BMERB1: variants seen among roughly 807,000 people sequenced by gnomAD.
The protein encoded by BMERB1 is bMERB domain-containing protein 1.
BMERB1 carries 12 observed loss-of-function variants against 23.6 expected under a neutral mutation model. The observed-to-expected ratio is 0.51, with a 90% confidence interval of 0.33 to 0.82. The LOEUF (loss-of-function observed/expected upper bound fraction) is 0.82, where lower values mean the gene tolerates loss of function less well. Among genes scored for constraint, BMERB1 ranks in the 40% least tolerant of loss-of-function variants. The pLI, the probability that BMERB1 is intolerant of heterozygous loss-of-function variation, is 0.03. For synonymous variants in BMERB1, 122 were observed against 96.6 expected (o/e 1.26, Z -1.54); for missense variants, 247 against 255.4 (o/e 0.97, Z 0.22).
intron 2 of BMERB1, among the ~76,000 whole-genome samples, chr16:15,523,622 T>C (rs1456465208): frequency 6.6e-6 from 1 of 152,200 alleles, no homozygotes; most frequent in African/African-American, 2.4e-5. Context: ...ACCAACTGTG[T>C]GGCCTGGAGC....
At position 15,556,965 on chromosome 16, in the gene BMERB1, AT is replaced by A. The variant is rs537558307; in HGVS notation, c.231-11013del. 2.0e-5 allele frequency among the ~76,000 whole-genome samples: 3 copies of A among 152,296 alleles called. No homozygotes were observed. The East Asian group carries it at 5.8e-4, about 29-fold the overall frequency. On this transcript the variant is annotated intron_variant, in intron 2 of 5. Transcript: ENST00000300006. The stretch of plus-strand genomic sequence containing the variant: ...TTTTTAAAAGGAGACAATAAAGACT[AT>A]TTTTAAAAGTCAATCCTTGCCTCTG...
At chr16:15,585,207 A>C (rs1274102057) in intron 5 of BMERB1, among the ~76,000 whole-genome samples, 2 of 152,240 alleles carry the variant, frequency 1.3e-5, no homozygotes, top group African/African-American at 4.8e-5. Context: ...CTTTCATGAA[A>C]GGCAAGGTAG....
intron 1 of BMERB1, among the ~76,000 whole-genome samples, chr16:15,437,536 T>A (rs2150919403): frequency 6.6e-6 from 1 of 152,336 alleles, no homozygotes; most frequent in African/African-American, 2.4e-5. Flanking sequence ...CCCTTGTAGC[T>A]TTTTATATCT....
At chr16:15,562,808 T>C (rs923778759) in intron 2 of BMERB1, among the ~76,000 whole-genome samples, 1 of 152,168 alleles carries the variant, frequency 6.6e-6, no homozygotes, top group African/African-American at 2.4e-5. Context: ...ACGGGAACAG[T>C]CTGTGCCCTC....
At chr16:15,472,247 T>C (rs983529953) in intron 1 of BMERB1, among the ~76,000 whole-genome samples, 1 of 152,238 alleles carries the variant, frequency 6.6e-6, no homozygotes, top group Non-Finnish European at 1.5e-5. Flanking sequence ...TTGGGTGAAG[T>C]GTTCCCAACT....
intron 2 of BMERB1, among the ~76,000 whole-genome samples, chr16:15,530,690 A>G (rs983359874): frequency 6.6e-6 from 1 of 152,100 alleles, no homozygotes; most frequent in Non-Finnish European, 1.5e-5. Flanking sequence ...GTGGAAGGTA[A>G]TTCAATCATG....
At chr16:15,510,724 C>T (rs541067247) in intron 1 of BMERB1, among the ~76,000 whole-genome samples, 47 of 151,616 alleles carry the variant, frequency 3.1e-4, no homozygotes, top group Admixed American at 2.4e-3. Context: ...TTTTTTTAGA[C>T]GTAGTCTCAC....
chr16:15,535,696 C>T (rs1326860751), intron 2 of BMERB1, among the ~76,000 whole-genome samples: 1 of 149,774 alleles, frequency 6.7e-6, no homozygotes. Context: ...CTTAGCTATA[C>T]CGAGAACTTT....
intron 5 of BMERB1, 28 bp from the exon 6 acceptor site, chr16:15,586,689 C>A: frequency 1.3e-6 from 2 of 1,554,234 alleles, no homozygotes; most frequent in East Asian, 2.3e-5. Context: ...CTTTCTCCCC[C>A]TCTCCCTGTG....
chr16:15,521,838 A>G (rs185801808), intron 2 of BMERB1, among the ~76,000 whole-genome samples: 47 of 152,072 alleles, frequency 3.1e-4, no homozygotes, highest in Non-Finnish European at 5.9e-4. Flanking sequence ...TCTTGACCCT[A>G]TGTTCCACCC....
intron 1 of BMERB1, among the ~76,000 whole-genome samples, chr16:15,437,962 A>C (rs2050902884): frequency 6.6e-6 from 1 of 151,468 alleles, no homozygotes; most frequent in Non-Finnish European, 1.5e-5. Context: ...CCTCTCAAAA[A>C]AAAAGAGTCT....
Position 15,440,026 on chromosome 16 carries a change from C to T in BMERB1, c.106+5267C>T, listed in dbSNP as rs892644680. ...TTGGGAGGCTGAGGTGGGCGGATCG[C>T]TTGAGGTCAGCAGTTCGAGGCCAGC... On this transcript the variant is annotated intron_variant, in intron 1 of 5. Coordinates refer to ENST00000300006, the MANE Select transcript of BMERB1 (RefSeq NM_033201.3). Among the ~76,000 whole-genome samples the T allele has an allele frequency of 5.9e-5, 9 of 152,006 alleles. 1 individual carries two copies. The highest frequency in any genetic ancestry group is 2.2e-4 in the African/African-American group (9 of 41,382).
intron 2 of BMERB1, among the ~76,000 whole-genome samples, chr16:15,551,814 G>A (rs559028497): frequency 3.3e-5 from 5 of 152,318 alleles, no homozygotes; most frequent in African/African-American, 7.2e-5. Flanking sequence ...CACGTCTTAC[G>A]TGGCGGCAGG....
At chr16:15,536,248 C>G (rs1460993322) in intron 2 of BMERB1, among the ~76,000 whole-genome samples, 1 of 152,102 alleles carries the variant, frequency 6.6e-6, no homozygotes, top group Non-Finnish European at 1.5e-5. Flanking sequence ...CCTCACCCTC[C>G]CCTGTGTCCC....
At chr16:15,471,513 A>T (rs1052388829) in intron 1 of BMERB1, among the ~76,000 whole-genome samples, 6 of 152,182 alleles carry the variant, frequency 3.9e-5, no homozygotes, top group Non-Finnish European at 7.3e-5. Context: ...AGTTGTTTGC[A>T]GTATTCCCTT....
intron 1 of BMERB1, among the ~76,000 whole-genome samples, chr16:15,446,496 C>T (rs1022661904): frequency 5.3e-5 from 8 of 152,324 alleles, no homozygotes; most frequent in Admixed American, 1.3e-4. Context: ...CCTTACAAAA[C>T]GTTCTGTGAG....
intron 1 of BMERB1, among the ~76,000 whole-genome samples, chr16:15,447,277 A>G (rs2050998199): frequency 6.6e-6 from 1 of 152,200 alleles, no homozygotes; most frequent in African/African-American, 2.4e-5. Flanking sequence ...ATCATGGCGG[A>G]AGGCACAGGA....
At chr16:15,519,074 T>TAAACACAC (rs2051815059) in intron 2 of BMERB1, among the ~76,000 whole-genome samples, 1 of 140,510 alleles carries the variant, frequency 7.1e-6, no homozygotes, top group Non-Finnish European at 1.5e-5. Context: ...ACAATCCTCT[T>TAAACACAC]ACACACACAC....
At chr16:15,515,243 A>G in intron 1 of BMERB1, 62 bp from the exon 2 acceptor site, 1 of 1,606,884 alleles carries the variant, frequency 6.2e-7, no homozygotes, top group Non-Finnish European at 8.5e-7. Flanking sequence ...GAACCATGTC[A>G]GGGTCTGTCC....
Sources: gnomAD v4.1 joint callset for allele counts (sites outside exome capture counted in the v4.1 genomes callset) on GRCh38, gnomAD v4.1.1 for gene constraint, MANE v1.5 for transcripts, NCBI Gene and HGNC (gene_info 2026-07-23, HGNC 2026-07-21) for gene names.